Variants in MXD1 observed in about 807,000 individuals in gnomAD.
MXD1 encodes MAX dimerization protein 1.
MXD1 carries 9 observed loss-of-function variants against 25.7 expected under a neutral mutation model. The ratio of observed to expected loss-of-function variants is 0.35; its 90% CI spans 0.21 to 0.61. The LOEUF (loss-of-function observed/expected upper bound fraction) is 0.61. Among genes scored for constraint, MXD1 ranks in the 20% least tolerant of loss-of-function variants. The pLI is 0.75. For synonymous variants in MXD1, 99 were observed against 113.9 expected, an observed-to-expected ratio of 0.87 and a Z score of 0.83; for missense variants, 227 against 292.4, an observed-to-expected ratio of 0.78 and a Z score of 1.63.
chr2:69,927,425 A>T (rs1677191673), intron 3 of MXD1, among the ~76,000 whole-genome samples: 1 of 152,196 alleles, frequency 6.6e-6, no homozygotes, highest in Non-Finnish European at 1.5e-5. Context: ...AATCCAATCT[A>T]TATTGATGGT....
chr2:69,916,350 A>G, intron 2 of MXD1, 130 bp downstream of exon 2: 1 of 616,682 alleles, frequency 1.6e-6, no homozygotes, highest in Non-Finnish European at 2.8e-6. Flanking sequence ...TCAGTAATGT[A>G]CACATGGACT....
intron 1 of MXD1, 54 bp from the exon 2 acceptor site, chr2:69,916,067 G>A: frequency 1.1e-6 from 1 of 923,736 alleles, no homozygotes; most frequent in Non-Finnish European, 1.8e-6. Context: ...GTAGAGAGGA[G>A]AGAGCATTAA....
chr2:69,933,743 G>T (rs915323131), intron 3 of MXD1, among the ~76,000 whole-genome samples: 2 of 152,186 alleles, frequency 1.3e-5, no homozygotes, highest in Admixed American at 6.5e-5. Flanking sequence ...TTAATATCAT[G>T]CATATTCACC....
At chr2:69,925,767 C>T (rs538438870) in intron 3 of MXD1, among the ~76,000 whole-genome samples, 57 of 152,276 alleles carry the variant, frequency 3.7e-4, no homozygotes, top group African/African-American at 1.3e-3. Flanking sequence ...GTAGAAAAAT[C>T]TCTGTCCAAC....
chr2:69,932,699 C>G (rs1444928355), intron 3 of MXD1, among the ~76,000 whole-genome samples: 1 of 152,144 alleles, frequency 6.6e-6, no homozygotes, highest in African/African-American at 2.4e-5. Flanking sequence ...CTGGGCAAGA[C>G]TCCTATAAGG....
At chr2:69,929,454 A>C (rs541969264) in intron 3 of MXD1, among the ~76,000 whole-genome samples, 3 of 152,354 alleles carry the variant, frequency 2.0e-5, no homozygotes, top group African/African-American at 7.2e-5. Flanking sequence ...AGATAGAATC[A>C]AGAAAGCATG....
At chr2:69,935,731 T>C (rs1485401667) in intron 4 of MXD1, among the ~76,000 whole-genome samples, 2 of 152,190 alleles carry the variant, frequency 1.3e-5, no homozygotes, top group Non-Finnish European at 2.9e-5. Flanking sequence ...TCCTTAACCA[T>C]ATATCTAGGC....
At chr2:69,936,242 C>T (rs1211207202) in intron 4 of MXD1, among the ~76,000 whole-genome samples, 3 of 152,140 alleles carry the variant, frequency 2.0e-5, no homozygotes, top group Admixed American at 6.5e-5. Context: ...GTGGTCCCAT[C>T]ACTGGGTATC....
chr2:69,935,098 A>T (rs1677391190), intron 3 of MXD1, among the ~76,000 whole-genome samples: 1 of 152,244 alleles, frequency 6.6e-6, no homozygotes, highest in Non-Finnish European at 1.5e-5. Flanking sequence ...TGACTATATA[A>T]TAGCAGATAT....
intron 3 of MXD1, among the ~76,000 whole-genome samples, chr2:69,934,710 C>T (rs974265592): frequency 6.6e-5 from 10 of 152,188 alleles, no homozygotes; most frequent in African/African-American, 2.2e-4. Flanking sequence ...TGGAATCTTG[C>T]TTTTCTCCAC....
chr2:69,918,667 G>C (rs762479564), intron 2 of MXD1, among the ~76,000 whole-genome samples: 3 of 152,124 alleles, frequency 2.0e-5, no homozygotes, highest in African/African-American at 7.2e-5. Flanking sequence ...GAGTGTTTTT[G>C]AACCCAAGAA....
intron 3 of MXD1, among the ~76,000 whole-genome samples, chr2:69,925,340 T>A (rs1677149432): frequency 6.6e-6 from 1 of 152,142 alleles, no homozygotes; most frequent in Non-Finnish European, 1.5e-5. Context: ...ACTAAAAATT[T>A]AAATTGTCCA....
In MXD1 at chr2:69,921,167, G is replaced by C. The variant is rs562036390; in HGVS notation, c.174-569G>C. On this transcript the variant is annotated intron_variant, in intron 2 of 5. Transcript: ENST00000264444. The stretch of plus-strand genomic sequence containing the variant: ...CAACCTATCATCTTTATATTGAGCT[G>C]AACTTTGGAAACCCCTTCCTAAAAT... Among the ~76,000 whole-genome samples the C allele has an allele frequency of 4.6e-5, 7 of 152,238 alleles. No homozygotes were observed. The South Asian group carries it at 1.5e-3, about 32-fold the overall frequency.
In MXD1 at chr2:69,941,851, A is replaced by G. The variant is rs1348956709; in HGVS notation, c.*3567A>G. 1 of 149,508 alleles carries G rather than the reference A, an allele frequency of 6.7e-6. No homozygotes were observed. Among genetic ancestry groups the G allele is most frequent in the Non-Finnish European group, 1.5e-5 (1 of 67,332 alleles). 9.3% of individuals were successfully genotyped at this position (149,508 alleles called of 1,614,324 possible). On this transcript the variant is annotated 3_prime_UTR_variant, in exon 6 of 6. Transcript: ENST00000264444. Reference sequence around the variant, plus strand: ...TTCAAGAGAGAACTTATTTTTGAAAAGTATCTATATATACACACACACACA... The same window carrying G: ...TTCAAGAGAGAACTTATTTTTGAAAGGTATCTATATATACACACACACACA...
intron 3 of MXD1, among the ~76,000 whole-genome samples, chr2:69,930,475 A>G (rs1340888933): frequency 1.3e-5 from 2 of 152,226 alleles, no homozygotes; most frequent in African/African-American, 4.8e-5. Context: ...TGATGTGAAC[A>G]GGAAATAAAG....
chr2:69,921,418 G>T (rs554056121), intron 2 of MXD1, among the ~76,000 whole-genome samples: 9 of 152,260 alleles, frequency 5.9e-5, no homozygotes, highest in Non-Finnish European at 1.2e-4. Context: ...ATTATATAAC[G>T]CAAATTCACA....
rs895055708 is a variant in MXD1 at position 69,931,065 on chromosome 2, G to C, written c.204-4286G>C. ...TTTTAATTTTTGTGGGTATGTAGTAGGTCTGTATATTTATGGGGTACATGA... is the reference window on the plus strand; with the variant it reads ...TTTTAATTTTTGTGGGTATGTAGTACGTCTGTATATTTATGGGGTACATGA... On this transcript the variant is annotated intron_variant, in intron 3 of 5. Transcript: ENST00000264444. 2.0e-5 allele frequency among the ~76,000 whole-genome samples: 3 copies of C among 152,114 alleles called. No individual in the cohort carries two copies. In the South Asian group the frequency reaches 6.2e-4, roughly 32 times the overall value.
Position 69,938,039 on chromosome 2 carries a change from G to A in MXD1, c.479-58G>A, listed in dbSNP as rs570342507. Reference sequence around the variant, plus strand: ...TGGGATTACAAGCATGAGCCACCACGCCTGAGCTTTCTGCAGAGCGCTTTC... The same window carrying A: ...TGGGATTACAAGCATGAGCCACCACACCTGAGCTTTCTGCAGAGCGCTTTC... On this transcript the variant is annotated intron_variant, in intron 5 of 5. Transcript: ENST00000264444. 28 of 1,546,380 alleles carry A rather than the reference G, an allele frequency of 1.8e-5. No homozygotes were observed. In the East Asian group the frequency reaches 4.3e-4, roughly 24 times the overall value.
chr2:69,922,082 C>G (rs746993913), intron 3 of MXD1, among the ~76,000 whole-genome samples: 1 of 152,208 alleles, frequency 6.6e-6, no homozygotes, highest in Non-Finnish European at 1.5e-5. Flanking sequence ...AAATTACATG[C>G]TACTGAATAT....
Sources: allele counts gnomAD v4.1 joint callset (sites outside exome capture counted in the v4.1 genomes callset), GRCh38; gene constraint gnomAD v4.1.1; transcripts MANE v1.5; gene names NCBI Gene and HGNC (gene_info 2026-07-23, HGNC 2026-07-21).